The following POLGARF variants were observed in gnomAD, a reference collection of about 807,000 sequenced individuals.
POLGARF encodes the protein POLG alternative reading frame.
chr15:89,333,626 CT>C, the POLGARF span: 11 of 1,597,422 alleles, frequency 6.9e-6, no homozygotes, highest in Middle Eastern at 1.7e-4. Flanking sequence ...GCTGCTGCTG[CT>C]GCCGCCGCCG....
At chr15:89,333,596 TTGCTGCTGCTGCTGCTGCTGCTGC>T in the POLGARF span, 15 of 1,598,000 alleles carry the variant, frequency 9.4e-6, no homozygotes, top group South Asian at 3.3e-5. Flanking sequence ...GAGGCTGCTG[TTGCTGCTGCTGCTGCTGCTGCTGC>T]TGCTGCTGCC....
At chr15:89,332,219 T>G in the POLGARF span, 2 of 152,250 alleles carry the variant, frequency 1.3e-5, no homozygotes, top group Admixed American at 1.3e-4. Flanking sequence ...AATGCCTACC[T>G]TATCTATTTA....
At chr15:89,333,760 G>C in the POLGARF span, 9 of 1,534,966 alleles carry the variant, frequency 5.9e-6, no homozygotes, top group Non-Finnish European at 7.9e-6. Context: ...CTCATGGTTG[G>C]TGCAGGGACC....
chr15:89,333,172 G>A, the POLGARF span: 1 of 1,562,510 alleles, frequency 6.4e-7, no homozygotes, highest in East Asian at 2.3e-5. Context: ...TCGAACACCA[G>A]GGCCCGCTCC....
At chr15:89,332,695 G>T in the POLGARF span, among the ~76,000 whole-genome samples, 29 of 152,158 alleles carry the variant, frequency 1.9e-4, no homozygotes, top group Admixed American at 1.4e-3. Context: ...CCACAAAAGG[G>T]AGCTTTCTAC....
chr15:89,331,547 T>A, the POLGARF span, among the ~76,000 whole-genome samples: 7 of 152,232 alleles, frequency 4.6e-5, no homozygotes, highest in Middle Eastern at 3.2e-3. Flanking sequence ...TTACTGTGAA[T>A]CTTAGAAAAA....
the POLGARF span, chr15:89,333,177 C>T: frequency 1.1e-4 from 172 of 1,565,226 alleles, no homozygotes; most frequent in African/African-American, 2.1e-3. Flanking sequence ...CACCAGGGCC[C>T]GCTCCTCGGG....
At chr15:89,333,412 G>T in the POLGARF span, 5 of 1,605,144 alleles carry the variant, frequency 3.1e-6, no homozygotes, top group African/African-American at 1.3e-5. Flanking sequence ...ACGGCTGGCT[G>T]CCCCCAGAGC....
the POLGARF span, among the ~76,000 whole-genome samples, chr15:89,332,694 G>A: frequency 6.6e-6 from 1 of 151,980 alleles, no homozygotes; most frequent in Non-Finnish European, 1.5e-5. Flanking sequence ...CCCACAAAAG[G>A]GAGCTTTCTA....
At chr15:89,330,366 G>T in the POLGARF span, 2 of 1,008,214 alleles carry the variant, frequency 2.0e-6, no homozygotes, top group Non-Finnish European at 1.5e-6. Flanking sequence ...CCACATGCCA[G>T]ATGGTGCATT....
At chr15:89,333,614 C>T in the POLGARF span, 19 of 1,600,452 alleles carry the variant, frequency 1.2e-5, no homozygotes, top group Non-Finnish European at 8.5e-6. Context: ...GCTGCTGCTG[C>T]TGCTGCTGCT....
chr15:89,330,945 G>A, the POLGARF span, among the ~76,000 whole-genome samples: 2 of 152,150 alleles, frequency 1.3e-5, no homozygotes, highest in Admixed American at 6.5e-5. Context: ...CCTGTTGGGG[G>A]CCCGACACTG....
the POLGARF span, chr15:89,330,415 A>C: frequency 1.4e-6 from 1 of 729,144 alleles, no homozygotes; most frequent in East Asian, 2.7e-5. Context: ...GGGTGCTCCT[A>C]ACTCAAACAG....
chr15:89,333,535 A>G, the POLGARF span: 6 of 1,612,658 alleles, frequency 3.7e-6, no homozygotes, highest in African/African-American at 2.7e-5. Context: ...TGGATGTCCA[A>G]TGGGTTGTGC....
At chr15:89,333,336 C>T in the POLGARF span, 5 of 1,561,790 alleles carry the variant, frequency 3.2e-6, no homozygotes, top group Middle Eastern at 1.7e-4. Flanking sequence ...GGCCAGGAGG[C>T]GGAAGTGCTG....
the POLGARF span, chr15:89,333,264 G>A: frequency 3.2e-6 from 5 of 1,560,004 alleles, no homozygotes; most frequent in African/African-American, 1.4e-5. Context: ...CGGGGGCTTC[G>A]GGGGCAGCTG....
At chr15:89,330,375 T>C in the POLGARF span, 39 of 944,296 alleles carry the variant, frequency 4.1e-5, no homozygotes, top group East Asian at 2.6e-4. Flanking sequence ...AGATGGTGCA[T>C]TGGCAGCTGG....
the POLGARF span, chr15:89,333,391 C>T: frequency 6.3e-7 from 1 of 1,589,366 alleles, no homozygotes; most frequent in Non-Finnish European, 8.5e-7. Context: ...AGCTCCACGT[C>T]GGGCAAGGGC....
chr15:89,333,297 G>C, the POLGARF span: 7 of 1,554,052 alleles, frequency 4.5e-6, no homozygotes, highest in Non-Finnish European at 6.1e-6. Context: ...CAAGTTGGCC[G>C]CCTCCAGGTA....
Sources: gnomAD v4.1 joint callset for allele counts (sites outside exome capture counted in the v4.1 genomes callset) on GRCh38, gnomAD v4.1.1 for gene constraint, MANE v1.5 for transcripts, NCBI Gene and HGNC (gene_info 2026-07-23, HGNC 2026-07-21) for gene names.